The following HSPBAP1 variants were observed in gnomAD, a reference collection of about 807,000 sequenced individuals.
HSPBAP1 encodes HSPB1-associated protein 1.
In HSPBAP1, 27 loss-of-function variants were observed where a neutral mutation model predicts 45.2. The observed-to-expected ratio is 0.60, with a 90% CI of 0.44 to 0.82. The LOEUF (loss-of-function observed/expected upper bound fraction) is 0.82, where lower values mean the gene tolerates loss of function less well. Ranked by LOEUF, HSPBAP1 falls within the 40% of genes least tolerant of loss-of-function variation. The pLI is 0.00. For missense variants in HSPBAP1, 510 were observed against 590.9 expected, an observed-to-expected ratio of 0.86 and a Z score of 1.42; for synonymous variants, 204 against 202.7, an observed-to-expected ratio of 1.01 and a Z score of -0.06.
At chr3:122,790,044 G>A (rs1301667316) in intron 1 of HSPBAP1, among the ~76,000 whole-genome samples, 1 of 151,892 alleles carries the variant, frequency 6.6e-6, no homozygotes. Context: ...CGTATTTTCC[G>A]TAGAGACAGG....
chr3:122,784,181 G>A (rs1257067174), intron 1 of HSPBAP1, among the ~76,000 whole-genome samples: 1 of 151,856 alleles, frequency 6.6e-6, no homozygotes, highest in Non-Finnish European at 1.5e-5. Context: ...GCATATTTGG[G>A]GGTGGCATAT....
intron 6 of HSPBAP1, among the ~76,000 whole-genome samples, chr3:122,750,515 A>ATATCTATCTATCTATCTATCTATC (rs9289203): frequency 4.0e-5 from 6 of 149,038 alleles, no homozygotes; most frequent in African/African-American, 7.5e-5. Context: ...AAATACATCA[A>ATATCTATCTATCTATCTATCTATC]TATCTATCTA....
At chr3:122,792,947 G>A (rs1222677381) in intron 1 of HSPBAP1, among the ~76,000 whole-genome samples, 1 of 151,762 alleles carries the variant, frequency 6.6e-6, no homozygotes, top group Non-Finnish European at 1.5e-5. Context: ...AAGCATTTAT[G>A]TTCTCCCCAC....
At chr3:122,772,556 AC>A (rs1286117557) in intron 2 of HSPBAP1, among the ~76,000 whole-genome samples, 13 of 152,172 alleles carry the variant, frequency 8.5e-5, no homozygotes, top group Non-Finnish European at 1.8e-4. Flanking sequence ...AGTAAATGGT[AC>A]AGGAATAAAA....
chr3:122,743,754 T>A (rs772569294), intron 6 of HSPBAP1, among the ~76,000 whole-genome samples: 4 of 152,146 alleles, frequency 2.6e-5, no homozygotes, highest in African/African-American at 7.2e-5. Context: ...GATGGACAGA[T>A]AATGTGACAA....
At chr3:122,753,839 G>T (rs1934247110) in intron 5 of HSPBAP1, 1 of 984,726 alleles carries the variant, frequency 1.0e-6, no homozygotes, top group Admixed American at 6.2e-5. Context: ...GTGGATTAAA[G>T]AATGGATAGG....
chr3:122,740,892 A>T lies in HSPBAP1; in HGVS notation c.937-17T>A, dbSNP rs1443342156. 6.2e-7 allele frequency: 1 copy of T among 1,611,670 alleles called. No individual in the cohort carries two copies. Among genetic ancestry groups the T allele is most frequent in the Non-Finnish European group, 8.5e-7 (1 of 1,178,650 alleles). On this transcript the variant is annotated splice_polypyrimidine_tract_variant and intron_variant, in intron 7 of 7. Coordinates refer to ENST00000306103, the MANE Select transcript of HSPBAP1 (RefSeq NM_024610.6). ...TTCCTCAACCTAAGGGAAGAGAAAAACCTTTTAAAATGGTTACATACATTT... is the reference window on the plus strand; with the variant it reads ...TTCCTCAACCTAAGGGAAGAGAAAATCCTTTTAAAATGGTTACATACATTT...
chr3:122,747,670 G>T (rs543452944), intron 6 of HSPBAP1, among the ~76,000 whole-genome samples: 6,116 of 145,746 alleles, frequency 0.042, 155 homozygotes, highest in Middle Eastern at 0.082. Flanking sequence ...GCCCCGTCCG[G>T]GAGGTGAGGG....
chr3:122,760,202 A>G (rs547709621), intron 3 of HSPBAP1, among the ~76,000 whole-genome samples: 1 of 152,192 alleles, frequency 6.6e-6, no homozygotes, highest in Non-Finnish European at 1.5e-5. Context: ...GCGCATTTGC[A>G]GCACAGAAAA....
At chr3:122,783,492 G>C (rs957165128) in intron 1 of HSPBAP1, among the ~76,000 whole-genome samples, 5 of 152,186 alleles carry the variant, frequency 3.3e-5, no homozygotes, top group African/African-American at 1.2e-4. Context: ...CCCTCTTAAA[G>C]TCTCTAGCTG....
In HSPBAP1 at chr3:122,740,752, T is replaced by C. The variant is rs1487482569; in HGVS notation, c.1060A>G (p.Met354Val). 8 of 1,614,064 alleles carry C rather than the reference T, an allele frequency of 5.0e-6. No individual in the cohort carries two copies. The highest frequency in any genetic ancestry group is 2.2e-5 in the East Asian group (1 of 44,902). Residue 354 changes from methionine (M) to valine (V), a missense_variant, in exon 8 of 8, where the codon ATG becomes GTG. Coordinates refer to ENST00000306103, the MANE Select transcript of HSPBAP1 (RefSeq NM_024610.6). Reference protein sequence around the residue: ...IQALRTDGEHMKKEELNVCNH... With the variant: ...IQALRTDGEHVKKEELNVCNH... ...CACACATTTAATTCTTCCTTTTTCA[T>C]GTGCTCTCCATCTGTTCTCAGTGCT...
intron 6 of HSPBAP1, among the ~76,000 whole-genome samples, chr3:122,746,808 A>T (rs2107498775): frequency 6.6e-6 from 1 of 152,234 alleles, no homozygotes; most frequent in South Asian, 2.1e-4. Context: ...GCGCGCCGCC[A>T]CGCCTGGCTG....
At chr3:122,787,109 G>A (rs1935683322) in intron 1 of HSPBAP1, among the ~76,000 whole-genome samples, 1 of 152,042 alleles carries the variant, frequency 6.6e-6, no homozygotes. Flanking sequence ...TTAACTAGAT[G>A]ATTTAGAAAC....
intron 2 of HSPBAP1, among the ~76,000 whole-genome samples, chr3:122,769,523 T>G (rs967559384): frequency 6.6e-6 from 1 of 152,222 alleles, no homozygotes; most frequent in African/African-American, 2.4e-5. Flanking sequence ...GAAATTAATT[T>G]TATTTTTGCA....
Position 122,752,573 on chromosome 3 carries a change from A to C in HSPBAP1, c.825+18T>G, listed in dbSNP as rs759278052. ...TTTGCACTTACTTAAAAAAAAAAAA[A>C]AAACAACGAAAAAGTACCAGTTCAA... On this transcript the variant is annotated intron_variant, in intron 6 of 7. Transcript: ENST00000306103. The C allele has an allele frequency of 2.0e-6, 3 of 1,512,966 alleles. No individual in the cohort carries two copies. Among genetic ancestry groups the C allele is most frequent in the Non-Finnish European group, 2.7e-6 (3 of 1,115,072 alleles). 93.7% of individuals were successfully genotyped at this position (1,512,966 alleles called of 1,614,324 possible).
intron 1 of HSPBAP1, among the ~76,000 whole-genome samples, chr3:122,783,551 A>G (rs1935559526): frequency 6.6e-6 from 1 of 152,238 alleles, no homozygotes; most frequent in South Asian, 2.1e-4. Context: ...AACATGATTC[A>G]GTACTTTTTA....
rs1400516684 is a variant in HSPBAP1 at position 122,792,402 on chromosome 3, G to A, written c.64+1215C>T. Among the ~76,000 whole-genome samples the A allele has an allele frequency of 2.6e-5, 4 of 152,270 alleles. No individual in the cohort carries two copies. In the East Asian group the frequency reaches 5.8e-4, roughly 22 times the overall value. Reference sequence around the variant, plus strand: ...ACATTCTGGATAAGGGGGTGCAGTGGATAGAAAATGGAAAGATCAATGCAA... The same window carrying A: ...ACATTCTGGATAAGGGGGTGCAGTGAATAGAAAATGGAAAGATCAATGCAA... On this transcript the variant is annotated intron_variant, in intron 1 of 7. Transcript: ENST00000306103.
At chr3:122,768,974 A>T (rs1934885466) in intron 2 of HSPBAP1, 92 bp from the exon 3 acceptor site, 2 of 953,692 alleles carry the variant, frequency 2.1e-6, no homozygotes, top group Admixed American at 2.8e-5. Context: ...TTCAACCAAA[A>T]AATTAACTTT....
chr3:122,766,074 T>C (rs2107520522), intron 3 of HSPBAP1, among the ~76,000 whole-genome samples: 1 of 152,336 alleles, frequency 6.6e-6, no homozygotes, highest in Non-Finnish European at 1.5e-5. Flanking sequence ...AAGCAGAGAA[T>C]CCAGCTGTCT....
Sources: allele counts gnomAD v4.1 joint callset (sites outside exome capture counted in the v4.1 genomes callset), GRCh38; gene constraint gnomAD v4.1.1; transcripts MANE v1.5; gene names NCBI Gene and HGNC (gene_info 2026-07-23, HGNC 2026-07-21).